GPR39: variants seen among roughly 807,000 people sequenced by gnomAD.
GPR39 encodes the protein zinc sensing receptor.
A neutral mutation model predicts 18.4 loss-of-function variants in GPR39; 23 were observed. The observed-to-expected ratio is 1.25, with a 90% CI of 0.90 to 1.77. GPR39 has a LOEUF of 1.77. Among genes scored for constraint, GPR39 ranks in the 40% most tolerant of loss-of-function variants. The pLI is 0.00. For synonymous variants in GPR39, 280 were observed against 257.9 expected (o/e 1.09, Z -0.82); for missense variants, 647 against 602.4 (o/e 1.07, Z -0.78).
At position 132,460,125 on chromosome 2, in the gene GPR39, A is replaced by G. The variant is rs138313429; in HGVS notation, c.856+42227A>G. On this transcript the variant is annotated intron_variant, in intron 1 of 1. Coordinates refer to ENST00000329321, the MANE Select transcript of GPR39 (RefSeq NM_001508.3). ...AAATGAAAAACCTGCATAGGATTCT[A>G]GTATAACTTCCTAGCAATATGTCTC... 1.1e-4 allele frequency among the ~76,000 whole-genome samples: 17 copies of G among 152,346 alleles called. No homozygotes were observed. The East Asian group carries it at 3.3e-3, about 29-fold the overall frequency.
intron 1 of GPR39, among the ~76,000 whole-genome samples, chr2:132,447,109 G>A (rs1018379701): frequency 1.3e-5 from 2 of 152,120 alleles, no homozygotes; most frequent in Admixed American, 6.5e-5. Flanking sequence ...TGAGTAGCGG[G>A]CCTGTTGCAG....
chr2:132,644,133 A>C (rs1334133167), intron 1 of GPR39, among the ~76,000 whole-genome samples: 1 of 152,174 alleles, frequency 6.6e-6, no homozygotes, highest in Non-Finnish European at 1.5e-5. Context: ...CTCTCATGAT[A>C]CCTGTGATTT....
At chr2:132,600,820 G>A (rs1373938127) in intron 1 of GPR39, among the ~76,000 whole-genome samples, 2 of 152,068 alleles carry the variant, frequency 1.3e-5, no homozygotes, top group African/African-American at 4.8e-5. Flanking sequence ...AGCTTTAGGG[G>A]CACAAGTGGT....
intron 1 of GPR39, among the ~76,000 whole-genome samples, chr2:132,460,747 C>T (rs1168600851): frequency 6.6e-6 from 1 of 151,878 alleles, no homozygotes; most frequent in East Asian, 1.9e-4. Flanking sequence ...CTTTAACTTT[C>T]CTGTTTCTGA....
chr2:132,503,646 G>A (rs4467331), intron 1 of GPR39, among the ~76,000 whole-genome samples: 23,169 of 152,102 alleles, frequency 0.15, 1,940 homozygotes, highest in African/African-American at 0.23. Flanking sequence ...TGGTGGGCAG[G>A]GCCATAGAAC....
intron 1 of GPR39, among the ~76,000 whole-genome samples, chr2:132,420,947 G>C (rs982483999): frequency 2.0e-5 from 3 of 152,224 alleles, no homozygotes; most frequent in Non-Finnish European, 2.9e-5. Context: ...GGAAATAGGA[G>C]TGTCTTGTCT....
At chr2:132,587,958 C>T (rs967348801) in intron 1 of GPR39, among the ~76,000 whole-genome samples, 3 of 152,140 alleles carry the variant, frequency 2.0e-5, no homozygotes, top group African/African-American at 7.2e-5. Context: ...TGAATGAAAA[C>T]CAGCTTTAAG....
At chr2:132,435,368 A>G (rs1680294822) in intron 1 of GPR39, among the ~76,000 whole-genome samples, 1 of 152,168 alleles carries the variant, frequency 6.6e-6, no homozygotes, top group Admixed American at 6.5e-5. Context: ...ATCCACTTTC[A>G]CTTAGTAAAC....
At chr2:132,512,290 T>C (rs1182684060) in intron 1 of GPR39, among the ~76,000 whole-genome samples, 9 of 151,978 alleles carry the variant, frequency 5.9e-5, no homozygotes, top group Non-Finnish European at 1.0e-4. Context: ...TTAACCAGAG[T>C]TGGCTCAGCA....
In GPR39 at chr2:132,417,142, A is replaced by T. The variant is rs201283876; in HGVS notation, c.100A>T (p.Ile34Phe). 3 of 1,614,012 alleles carry T rather than the reference A, an allele frequency of 1.9e-6. No individual in the cohort carries two copies. The highest frequency in any genetic ancestry group is 2.5e-6 in the Non-Finnish European group (3 of 1,180,028). Reference sequence around the variant, plus strand: ...GGCCACCTGGATCAAAATCACCCTTATTCTGGTGTACCTGATCATCTTCGT... The same window carrying T: ...GGCCACCTGGATCAAAATCACCCTTTTTCTGGTGTACCTGATCATCTTCGT... ...EVATWIKITL[I>F]LVYLIIFVMG... Residue 34 changes from isoleucine to phenylalanine, a missense_variant, in exon 1 of 2, where the codon ATT becomes TTT. Ile to Phe is a conservative substitution (Grantham distance 21, BLOSUM62 0). Coordinates refer to ENST00000329321, the MANE Select transcript of GPR39 (RefSeq NM_001508.3).
At chr2:132,563,034 T>C (rs2104805585) in intron 1 of GPR39, among the ~76,000 whole-genome samples, 1 of 152,344 alleles carries the variant, frequency 6.6e-6, no homozygotes, top group Admixed American at 6.5e-5. Context: ...AAGGTGGTCC[T>C]GTCCTCTGCT....
At chr2:132,596,118 T>C (rs748148632) in intron 1 of GPR39, among the ~76,000 whole-genome samples, 90 of 152,128 alleles carry the variant, frequency 5.9e-4, no homozygotes, top group Admixed American at 1.5e-3. Flanking sequence ...TAGTGGCCGA[T>C]TGCATGCGGA....
intron 1 of GPR39, among the ~76,000 whole-genome samples, chr2:132,622,007 C>G (rs984965077): frequency 1.3e-5 from 2 of 152,200 alleles, no homozygotes; most frequent in Non-Finnish European, 2.9e-5. Context: ...TAACTCTGCT[C>G]ATGCTCTCCT....
At chr2:132,583,250 T>C (rs62169693) in intron 1 of GPR39, among the ~76,000 whole-genome samples, 3,780 of 152,138 alleles carry the variant, frequency 0.025, 79 homozygotes, top group Admixed American at 0.054. Context: ...AAGTGTGCCG[T>C]GTGTTTGTTT....
intron 1 of GPR39, among the ~76,000 whole-genome samples, chr2:132,549,710 C>A (rs1432112985): frequency 6.6e-6 from 1 of 152,088 alleles, no homozygotes; most frequent in African/African-American, 2.4e-5. Flanking sequence ...ATCGCTTGAA[C>A]CCAGGAGGCG....
At chr2:132,518,727 T>G (rs1159405797) in intron 1 of GPR39, among the ~76,000 whole-genome samples, 2 of 152,222 alleles carry the variant, frequency 1.3e-5, no homozygotes, top group Non-Finnish European at 2.9e-5. Context: ...AAGAAATAGG[T>G]GACATTAACT....
chr2:132,559,943 TA>T (rs1246549485), intron 1 of GPR39, among the ~76,000 whole-genome samples: 2 of 151,194 alleles, frequency 1.3e-5, no homozygotes, highest in Non-Finnish European at 2.9e-5. Flanking sequence ...GAGCTAGGAG[TA>T]AAAATGGGGG....
intron 1 of GPR39, among the ~76,000 whole-genome samples, chr2:132,439,873 T>C (rs1320531491): frequency 1.3e-5 from 2 of 152,218 alleles, no homozygotes; most frequent in Non-Finnish European, 2.9e-5. Context: ...TGAACACCGC[T>C]GGACTGCTTG....
chr2:132,646,538 A>ATT lies in GPR39; in HGVS notation c.*932_*933insTT. 2.7e-6 allele frequency: 1 copy of ATT among 369,882 alleles called. No homozygotes were observed. The highest frequency in any genetic ancestry group is 4.0e-5 in the East Asian group (1 of 25,254). The allele number at this position is 369,882 out of a possible 1,614,324, so 22.9% of individuals were successfully genotyped here. On this transcript the variant is annotated 3_prime_UTR_variant, in exon 2 of 2. Transcript: ENST00000329321. ...CCAATACCTGTGAATACCTGTTAAT[A>ATT]AAGAGCTGTTAAATAGACTTATTTA...
Sources: gnomAD v4.1 joint callset for allele counts (sites outside exome capture counted in the v4.1 genomes callset) on GRCh38, gnomAD v4.1.1 for gene constraint, MANE v1.5 for transcripts, NCBI Gene and HGNC (gene_info 2026-07-23, HGNC 2026-07-21) for gene names.